The following CHORDC1 variants were observed in gnomAD, a reference collection of about 807,000 sequenced individuals.
CHORDC1 encodes the protein cysteine and histidine-rich domain-containing protein 1.
A neutral mutation model predicts 48.3 loss-of-function variants in CHORDC1; 25 were observed. The observed-to-expected ratio is 0.52, with a 90% CI of 0.38 to 0.72. The LOEUF is 0.72. CHORDC1 is among the 30% of genes least tolerant of loss of function. CHORDC1 has a pLI of 0.00. For missense variants in CHORDC1, 317 were observed against 388.7 expected, an observed-to-expected ratio of 0.82 and a Z score of 1.55; for synonymous variants, 128 against 126.4, an observed-to-expected ratio of 1.01 and a Z score of -0.09.
At chr11:90,208,021 T>A (rs1857749832) in intron 6 of CHORDC1, 1 of 151,716 alleles carries the variant, frequency 6.6e-6, no homozygotes, top group South Asian at 2.1e-4. Flanking sequence ...GCATTTCAGA[T>A]TAGGGATGCT....
intron 2 of CHORDC1, 81 bp downstream of exon 2, chr11:90,218,054 A>G: frequency 9.3e-7 from 1 of 1,073,444 alleles, no homozygotes; most frequent in Non-Finnish European, 1.3e-6. Flanking sequence ...GCTGAGAAAA[A>G]AAGATGAGAA....
intron 4 of CHORDC1, chr11:90,213,334 CAAAAAAAAA>C: frequency 1.7e-6 from 1 of 574,650 alleles, no homozygotes. Context: ...TACTTGCAGC[CAAAAAAAAA>C]AAAAAAAATC....
chr11:90,222,917 C>T lies in CHORDC1; in HGVS notation c.38G>A (p.Arg13His), dbSNP rs780389284. Residue 13 changes from arginine (R) to histidine (H), a missense_variant, in exon 1 of 11, where the codon CGC (arginine) becomes CAC (histidine). Arg to His is a conservative substitution (Grantham distance 29, BLOSUM62 0). Transcript: ENST00000320585. ...LLCYNRGCGQ[R>H]FDPETNSDDA... ...GTCGGAATTGGTCTCAGGATCGAAGCGCTGACCGCAGCCCCGGTTGTAGCA... is the reference window on the plus strand; with the variant it reads ...GTCGGAATTGGTCTCAGGATCGAAGTGCTGACCGCAGCCCCGGTTGTAGCA... 4.3e-5 allele frequency: 70 copies of T among 1,613,980 alleles called. No individual in the cohort carries two copies. Among genetic ancestry groups the T allele is most frequent in the Non-Finnish European group, 5.8e-5 (69 of 1,179,970 alleles).
chr11:90,220,461 G>A (rs1159899665), intron 1 of CHORDC1, among the ~76,000 whole-genome samples: 1 of 152,158 alleles, frequency 6.6e-6, no homozygotes, highest in East Asian at 1.9e-4. Flanking sequence ...GAGGGGAATG[G>A]AAGTAGAGAA....
chr11:90,208,912 A>G (rs1857779674), intron 6 of CHORDC1: 1 of 152,230 alleles, frequency 6.6e-6, no homozygotes, highest in Non-Finnish European at 1.5e-5. Context: ...CCCTTTTAGG[A>G]TCTGGCCAGG....
intron 1 of CHORDC1, among the ~76,000 whole-genome samples, chr11:90,221,481 C>T (rs1289976921): frequency 1.3e-5 from 2 of 152,334 alleles, no homozygotes; most frequent in East Asian, 3.9e-4. Flanking sequence ...CCAATTCACA[C>T]ATGGATACAG....
intron 4 of CHORDC1, chr11:90,213,327 T>G: frequency 1.6e-6 from 1 of 626,046 alleles, no homozygotes; most frequent in Non-Finnish European, 2.8e-6. Flanking sequence ...AAGTGCCTAC[T>G]TGCAGCCAAA....
At chr11:90,204,995 AAT>A (rs970147428) in intron 8 of CHORDC1, among the ~76,000 whole-genome samples, 3 of 152,138 alleles carry the variant, frequency 2.0e-5, no homozygotes, top group Admixed American at 2.0e-4. Context: ...CATTCAAAAC[AAT>A]TCCACTGAAA....
intron 1 of CHORDC1, among the ~76,000 whole-genome samples, chr11:90,219,137 A>G (rs1858097485): frequency 6.6e-6 from 1 of 151,984 alleles, no homozygotes; most frequent in African/African-American, 2.4e-5. Context: ...GTGGTAGTGC[A>G]TGCCTGTAGT....
chr11:90,202,919 G>A (rs1313645410), intron 9 of CHORDC1, 44 bp from the exon 10 acceptor site: 1 of 1,543,928 alleles, frequency 6.5e-7, no homozygotes, highest in Admixed American at 2.2e-5. Flanking sequence ...TCAAACTGAA[G>A]ATTTATGCTA....
Position 90,203,297 on chromosome 11 carries a change from G to C in CHORDC1, c.789+11C>G. ...AAAGAACTTTTACCCAAAATTATAA[G>C]ATGTACTTACCAATGTGCTATTTGC... On this transcript the variant is annotated intron_variant, in intron 9 of 10. Transcript: ENST00000320585. The C allele has an allele frequency of 6.4e-7, 1 of 1,565,046 alleles. No homozygotes were observed. The highest frequency in any genetic ancestry group is 8.7e-7 in the Non-Finnish European group (1 of 1,146,618).
At chr11:90,216,096 T>C (rs921836417) in intron 2 of CHORDC1, among the ~76,000 whole-genome samples, 4 of 152,118 alleles carry the variant, frequency 2.6e-5, no homozygotes, top group Non-Finnish European at 5.9e-5. Flanking sequence ...TAATTATCTT[T>C]TACTCCGAAT....
intron 3 of CHORDC1, among the ~76,000 whole-genome samples, chr11:90,214,789 A>C (rs868562450): frequency 2.0e-5 from 3 of 152,180 alleles, no homozygotes; most frequent in Non-Finnish European, 2.9e-5. Context: ...TAGTAGCTTT[A>C]GTTTTCTTAG....
At chr11:90,203,008 A>G in intron 9 of CHORDC1, 133 bp from the exon 10 acceptor site, 1 of 1,169,120 alleles carries the variant, frequency 8.6e-7, no homozygotes, top group Non-Finnish European at 1.2e-6. Context: ...GTATTGTTTC[A>G]TATGAGAAAA....
At chr11:90,203,450 T>C in intron 8 of CHORDC1, 23 bp from the exon 9 acceptor site, 4 of 1,507,100 alleles carry the variant, frequency 2.7e-6, no homozygotes, top group Non-Finnish European at 3.6e-6. Flanking sequence ...AGAAACTCTG[T>C]AAGTTAAAAA....
In CHORDC1 at chr11:90,211,298, T is replaced by C; in HGVS notation, c.350A>G (p.Asn117Ser). 1 of 1,607,878 alleles carries C rather than the reference T, an allele frequency of 6.2e-7. No individual in the cohort carries two copies. Among genetic ancestry groups the C allele is most frequent in the Admixed American group, 1.7e-5 (1 of 59,926 alleles). Residue 117 changes from asparagine (N) to serine (S), a missense_variant, in exon 5 of 11, where the codon AAT (asparagine) becomes AGT (serine). Coordinates refer to ENST00000320585, the MANE Select transcript of CHORDC1 (RefSeq NM_012124.3). ...GGAGGCAGATATTTTTAATTCCAAA[T>C]TTGTCATTGGTTCATCTGGGCTGGA... ...KRPSPDEPMTNLELKISASLK... is the reference protein window; with the variant it reads ...KRPSPDEPMTSLELKISASLK...
At chr11:90,205,867 AG>A (rs1338454540) in intron 7 of CHORDC1, 7 of 436,038 alleles carry the variant, frequency 1.6e-5, no homozygotes, top group Non-Finnish European at 2.8e-5. Context: ...TTAGTGCCCC[AG>A]GGCCCAAAAT....
intron 2 of CHORDC1, among the ~76,000 whole-genome samples, chr11:90,215,646 T>A (rs960915518): frequency 4.8e-5 from 7 of 146,090 alleles, no homozygotes; most frequent in African/African-American, 1.7e-4. Flanking sequence ...TAGTTAATTT[T>A]AATTTCACAA....
chr11:90,207,410 C>T (rs1301464253), intron 6 of CHORDC1: 2 of 152,234 alleles, frequency 1.3e-5, no homozygotes, highest in African/African-American at 2.4e-5. Context: ...AAAACACTCA[C>T]AGCCCTGAAG....
Sources: allele counts gnomAD v4.1 joint callset (sites outside exome capture counted in the v4.1 genomes callset), GRCh38; gene constraint gnomAD v4.1.1; transcripts MANE v1.5; gene names NCBI Gene and HGNC (gene_info 2026-07-23, HGNC 2026-07-21).